RHEB: variants seen among roughly 807,000 people sequenced by gnomAD.
The protein encoded by RHEB is GTP-binding protein Rheb.
Under a neutral mutation model 28.8 loss-of-function variants are expected in RHEB, and 2 were observed. The observed-to-expected ratio is 0.07, with a 90% CI of 0.03 to 0.22. The LOEUF is 0.22. Ranked by LOEUF, RHEB falls within the 10% of genes least tolerant of loss-of-function variation. The pLI is 1.00. For synonymous variants in RHEB, 69 were observed against 77.3 expected (o/e 0.89, Z 0.56); for missense variants, 76 against 219.9 (o/e 0.35, Z 4.14).
chr7:151,497,185 C>G (rs1022700741), intron 1 of RHEB, among the ~76,000 whole-genome samples: 1 of 152,134 alleles, frequency 6.6e-6, no homozygotes, highest in Admixed American at 6.5e-5. Flanking sequence ...TGACCCTTAG[C>G]AAGCTAAGGT....
chr7:151,479,670 G>A (rs889214589), intron 3 of RHEB, among the ~76,000 whole-genome samples: 33 of 131,592 alleles, frequency 2.5e-4, no homozygotes, highest in South Asian at 1.0e-3. Context: ...GCGATAGAGC[G>A]AGACTCCGTC....
intron 1 of RHEB, among the ~76,000 whole-genome samples, chr7:151,494,334 T>G (rs892830557): frequency 6.6e-6 from 1 of 151,688 alleles, no homozygotes; most frequent in Non-Finnish European, 1.5e-5. Flanking sequence ...CTTGCGGGAG[T>G]GAAGGGACGG....
chr7:151,480,064 T>C (rs543262686), intron 3 of RHEB, among the ~76,000 whole-genome samples: 10 of 152,346 alleles, frequency 6.6e-5, no homozygotes, highest in African/African-American at 2.4e-4. Flanking sequence ...CCAAAACGTT[T>C]GCTAACACAT....
chr7:151,499,355 T>C (rs1159596035), intron 1 of RHEB, among the ~76,000 whole-genome samples: 3 of 151,766 alleles, frequency 2.0e-5, no homozygotes, highest in East Asian at 3.9e-4. Context: ...TGAAACTCTA[T>C]AAAAAACGAA....
At chr7:151,486,528 A>G (rs777726486) in intron 2 of RHEB, among the ~76,000 whole-genome samples, 3 of 152,218 alleles carry the variant, frequency 2.0e-5, no homozygotes, top group Non-Finnish European at 4.4e-5. Context: ...AAGTGAAAAA[A>G]GCAAAAAAGT....
intron 7 of RHEB, 94 bp downstream of exon 7, chr7:151,470,477 G>C: frequency 1.3e-6 from 1 of 774,668 alleles, no homozygotes; most frequent in Non-Finnish European, 2.2e-6. Flanking sequence ...TTACACAGGA[G>C]TGATCAAGAC....
intron 1 of RHEB, among the ~76,000 whole-genome samples, chr7:151,518,550 C>T (rs1803122085): frequency 6.6e-6 from 1 of 152,148 alleles, no homozygotes; most frequent in Non-Finnish European, 1.5e-5. Context: ...TGAAGCGTGT[C>T]TAAGTTCAAT....
rs1486957590 is a variant in RHEB at position 151,519,424 on chromosome 7, C to A, written c.52+36G>T. 3.7e-6 allele frequency: 5 copies of A among 1,367,684 alleles called. No individual in the cohort carries two copies. In the African/African-American group the frequency reaches 4.5e-5, roughly 12 times the overall value. 84.7% of individuals were successfully genotyped at this position (1,367,684 alleles called of 1,614,324 possible). On this transcript the variant is annotated intron_variant, in intron 1 of 7. Coordinates refer to ENST00000262187, the MANE Select transcript of RHEB (RefSeq NM_005614.4). ...ACCCGGCTCCCAGGCGAGGCCCCGGCGGCGCGAGGAGGCCGCGCGGCCACC... is the reference window on the plus strand; with the variant it reads ...ACCCGGCTCCCAGGCGAGGCCCCGGAGGCGCGAGGAGGCCGCGCGGCCACC...
chr7:151,476,630 A>C (rs971577366), intron 4 of RHEB, among the ~76,000 whole-genome samples: 6 of 152,256 alleles, frequency 3.9e-5, no homozygotes, highest in Non-Finnish European at 5.9e-5. Context: ...AGAGAGTAGC[A>C]AACTCCCTAA....
At position 151,486,281 on chromosome 7, in the gene RHEB, T is replaced by A. The variant is rs76222762; in HGVS notation, c.125-1477A>T. Among the ~76,000 whole-genome samples the A allele has an allele frequency of 3.3e-3, 503 of 152,356 alleles. 3 individuals are homozygous for A. Among genetic ancestry groups the A allele is most frequent in the Non-Finnish European group, 5.9e-3 (400 of 68,028 alleles). On this transcript the variant is annotated intron_variant, in intron 2 of 7. Transcript: ENST00000262187. ...TAACTGCAGTTATCAAGTATAATTA[T>A]GATGACAAGGTTACTGAAAGGAAAC...
Position 151,468,857 on chromosome 7 carries a change from G to A in RHEB, c.463-1646C>T, listed in dbSNP as rs983993985. Reference sequence around the variant, plus strand: ...AGGAAGCAGTGTGTAGAGAAAAAAGGACTAGATGTGGATGAGATCTACAAT... The same window carrying A: ...AGGAAGCAGTGTGTAGAGAAAAAAGAACTAGATGTGGATGAGATCTACAAT... On this transcript the variant is annotated intron_variant, in intron 7 of 7. Coordinates refer to ENST00000262187, the MANE Select transcript of RHEB (RefSeq NM_005614.4). The surrounding 1 kb of genome is among the most constrained non-coding windows in gnomAD (Gnocchi z 4.3). Among the ~76,000 whole-genome samples the A allele has an allele frequency of 6.6e-6, 1 of 151,426 alleles. No homozygotes were observed. Among genetic ancestry groups the A allele is most frequent in the Admixed American group, 6.6e-5 (1 of 15,226 alleles).
At chr7:151,471,655 TTAAA>T (rs1227188102) in intron 4 of RHEB, 50 bp from the exon 5 acceptor site, 2 of 1,223,352 alleles carry the variant, frequency 1.6e-6, no homozygotes, top group East Asian at 4.7e-5. Flanking sequence ...GTTGAAGTTT[TTAAA>T]TGTATGTTAT....
intron 1 of RHEB, chr7:151,502,210 T>TG (rs1027509503): frequency 4.5e-6 from 2 of 447,834 alleles, no homozygotes; most frequent in Non-Finnish European, 7.8e-6. Flanking sequence ...TACTCCAGCC[T>TG]GGGCGACAGA....
intron 1 of RHEB, chr7:151,502,462 G>C (rs538503044): frequency 3.5e-6 from 3 of 846,214 alleles, no homozygotes; most frequent in South Asian, 2.6e-5. Context: ...CAGATGGTCT[G>C]GTTGTTTACT....
At chr7:151,476,647 G>C (rs187150109) in intron 4 of RHEB, among the ~76,000 whole-genome samples, 2 of 152,242 alleles carry the variant, frequency 1.3e-5, no homozygotes, top group East Asian at 3.9e-4. Context: ...CTAACATGTC[G>C]CACACACTCA....
intron 4 of RHEB, among the ~76,000 whole-genome samples, chr7:151,474,444 G>C (rs757135497): frequency 1.4e-4 from 21 of 152,150 alleles, no homozygotes; most frequent in Non-Finnish European, 2.6e-4. Context: ...GCCTCCCAAA[G>C]TATTGGGATT....
At chr7:151,502,228 CAAAAAAAA>C (rs34312270) in intron 1 of RHEB, 12 of 332,202 alleles carry the variant, frequency 3.6e-5, no homozygotes, top group Admixed American at 5.4e-5. Context: ...AGAGCTGTCT[CAAAAAAAA>C]AAAAAAAAAA....
intron 1 of RHEB, among the ~76,000 whole-genome samples, chr7:151,512,767 T>C (rs1326652039): frequency 6.6e-6 from 1 of 152,154 alleles, no homozygotes; most frequent in East Asian, 1.9e-4. Context: ...CTTACAACAG[T>C]TTAATGGTTC....
At chr7:151,484,629 A>G in intron 3 of RHEB, 108 bp downstream of exon 3, 2 of 786,700 alleles carry the variant, frequency 2.5e-6, no homozygotes, top group Non-Finnish European at 2.2e-6. Flanking sequence ...CTGTCTGCAC[A>G]CAACCTGAGG....
Sources: allele counts gnomAD v4.1 joint callset (sites outside exome capture counted in the v4.1 genomes callset), GRCh38; gene constraint gnomAD v4.1.1; non-coding constraint Gnocchi (gnomAD v3.1); transcripts MANE v1.5; gene names NCBI Gene and HGNC (gene_info 2026-07-23, HGNC 2026-07-21).